Variants in SDK1 observed in about 807,000 individuals in gnomAD.
SDK1 encodes the protein sidekick cell adhesion molecule 1, also known as protein sidekick-1.
Under a neutral mutation model 245.5 loss-of-function variants are expected in SDK1, and 157 were observed. The ratio of observed to expected loss-of-function variants is 0.64; its 90% CI spans 0.56 to 0.73. SDK1 has a LOEUF of 0.73. SDK1 is among the 30% of genes least tolerant of loss of function. The pLI is 0.00. For synonymous variants in SDK1, 1,647 were observed against 1,278.5 expected (o/e 1.29, Z -6.15); for missense variants, 3,583 against 3,002.3 (o/e 1.19, Z -4.52).
At chr7:3,464,119 G>T (rs1412452979) in intron 1 of SDK1, among the ~76,000 whole-genome samples, 2 of 152,162 alleles carry the variant, frequency 1.3e-5, no homozygotes, top group African/African-American at 4.8e-5. Flanking sequence ...AGTTATTTCT[G>T]AGAACAATTA....
At chr7:3,788,624 C>T (rs1197941689) in intron 4 of SDK1, among the ~76,000 whole-genome samples, 2 of 152,110 alleles carry the variant, frequency 1.3e-5, no homozygotes, top group East Asian at 1.9e-4. Flanking sequence ...TTGTCTTGGG[C>T]CCCACATAAA....
intron 1 of SDK1, among the ~76,000 whole-genome samples, chr7:3,506,509 A>T (rs774235511): frequency 1.3e-5 from 2 of 152,138 alleles, no homozygotes; most frequent in Admixed American, 6.5e-5. Context: ...AATTTTTAAC[A>T]TTGTATTTTC....
At chr7:3,444,693 C>T (rs1253885959) in intron 1 of SDK1, among the ~76,000 whole-genome samples, 2 of 152,108 alleles carry the variant, frequency 1.3e-5, no homozygotes, top group Non-Finnish European at 2.9e-5. Context: ...GATTGCTGTC[C>T]TTGATTGGTT....
chr7:3,529,467 C>G (rs1783268446), intron 1 of SDK1, among the ~76,000 whole-genome samples: 1 of 152,212 alleles, frequency 6.6e-6, no homozygotes, highest in Non-Finnish European at 1.5e-5. Context: ...GGGACTCTCA[C>G]TGGCCAAATT....
intron 15 of SDK1, among the ~76,000 whole-genome samples, chr7:4,011,593 C>A (rs545877012): frequency 6.6e-6 from 1 of 152,210 alleles, no homozygotes; most frequent in South Asian, 2.1e-4. Flanking sequence ...AAATCTCATT[C>A]GGAGGTGACA....
At chr7:3,313,831 T>C (rs986572308) in intron 1 of SDK1, among the ~76,000 whole-genome samples, 8 of 152,230 alleles carry the variant, frequency 5.3e-5, no homozygotes, top group Non-Finnish European at 1.2e-4. Context: ...CAAAAAAGTA[T>C]GTGAAGTAAT....
chr7:4,092,426 G>C (rs1230137733), intron 22 of SDK1, among the ~76,000 whole-genome samples: 1 of 152,156 alleles, frequency 6.6e-6, no homozygotes, highest in Non-Finnish European at 1.5e-5. Context: ...ATGAAGCCCA[G>C]CTGTCCTAAA....
rs1160414074 is a variant in SDK1, at chr7:3,835,913, T to G, written c.847+14330T>G. On this transcript the variant is annotated intron_variant, in intron 5 of 44. Transcript: ENST00000404826. ...CCTTTGCCTGTTTTAAAGACAGGAT[T>G]GATAAAGACACAGTAAGGTCAAGAC... Among the ~76,000 whole-genome samples, 2 of 152,218 alleles carry G rather than the reference T, an allele frequency of 1.3e-5. 1 individual carries two copies. The highest frequency in any genetic ancestry group is 4.1e-4 in the South Asian group (2 of 4,832).
rs768638222 is a variant in SDK1 at position 3,962,843 on chromosome 7, A to G, written c.1421A>G (p.Asp474Gly). ...GAGATCCAGACCCACACCTACCTGG[A>G]TGTAACCAGTGAGTACACCCAGGCC... is the stretch of plus-strand genomic sequence containing the variant. ...GGEIQTHTYL[D>G]VTNIAPVFTQ... The change falls in exon 9 of 45, where the codon GAT becomes GGT. Residue 474 changes from aspartate (D) to glycine (G), a missense_variant. Coordinates refer to ENST00000404826, the MANE Select transcript of SDK1 (RefSeq NM_152744.4). 1.2e-6 allele frequency: 2 copies of G among 1,611,702 alleles called. No individual in the cohort carries two copies. The highest frequency in any genetic ancestry group is 1.7e-6 in the Non-Finnish European group (2 of 1,179,076).
intron 4 of SDK1, among the ~76,000 whole-genome samples, chr7:3,799,384 T>A (rs1459358927): frequency 6.6e-6 from 1 of 151,982 alleles, no homozygotes; most frequent in East Asian, 1.9e-4. Context: ...GGCTTCTCGG[T>A]GTTGAAGGCA....
At chr7:3,828,782 G>A (rs1270051985) in intron 5 of SDK1, among the ~76,000 whole-genome samples, 1 of 151,108 alleles carries the variant, frequency 6.6e-6, no homozygotes, top group Non-Finnish European at 1.5e-5. Context: ...CTTTTGAGTA[G>A]CTGGGACTAC....
At chr7:3,321,851 C>G (rs974699795) in intron 1 of SDK1, among the ~76,000 whole-genome samples, 2 of 140,848 alleles carry the variant, frequency 1.4e-5, no homozygotes, top group Admixed American at 7.4e-5. Flanking sequence ...CTCTCTCTCT[C>G]TCTTTCTCTC....
chr7:4,259,715 C>T (rs546331527), intron 44 of SDK1, among the ~76,000 whole-genome samples: 1 of 152,242 alleles, frequency 6.6e-6, no homozygotes, highest in African/African-American at 2.4e-5. Flanking sequence ...GCCTTCGCCA[C>T]CAAATGAGTT....
At chr7:3,908,342 C>A (rs552866027) in intron 5 of SDK1, among the ~76,000 whole-genome samples, 1 of 152,168 alleles carries the variant, frequency 6.6e-6, no homozygotes, top group Non-Finnish European at 1.5e-5. Flanking sequence ...TTGGGAATGA[C>A]GCCAGATCCA....
intron 8 of SDK1, among the ~76,000 whole-genome samples, chr7:3,961,176 A>T (rs959159186): frequency 6.6e-6 from 1 of 152,254 alleles, no homozygotes; most frequent in South Asian, 2.1e-4. Context: ...TTTCATTTTG[A>T]CAGTGAAACT....
intron 29 of SDK1, among the ~76,000 whole-genome samples, chr7:4,148,011 G>A (rs992477750): frequency 5.1e-5 from 7 of 136,528 alleles, no homozygotes; most frequent in East Asian, 2.4e-4. Context: ...CTGATTATCC[G>A]GACCAGAGAT....
chr7:3,968,226 C>T (rs570439490), intron 10 of SDK1, among the ~76,000 whole-genome samples: 11 of 152,204 alleles, frequency 7.2e-5, no homozygotes, highest in South Asian at 2.1e-4. Flanking sequence ...CAACCTGGGA[C>T]GCTTCAGCCC....
At chr7:3,492,410 C>T (rs540297869) in intron 1 of SDK1, among the ~76,000 whole-genome samples, 27 of 152,314 alleles carry the variant, frequency 1.8e-4, no homozygotes, top group African/African-American at 4.6e-4. Context: ...AGGAGAATGG[C>T]GTGAACCGGC....
chr7:3,579,124 A>G (rs144720411), intron 1 of SDK1, among the ~76,000 whole-genome samples: 161 of 152,068 alleles, frequency 1.1e-3, no homozygotes, highest in African/African-American at 3.5e-3. Flanking sequence ...TGAAAGTACT[A>G]TCTTCTACTG....
Sources: gnomAD v4.1 joint callset for allele counts (sites outside exome capture counted in the v4.1 genomes callset) on GRCh38, gnomAD v4.1.1 for gene constraint, MANE v1.5 for transcripts, NCBI Gene and HGNC (gene_info 2026-07-23, HGNC 2026-07-21) for gene names.